The following ZRANB3 variants were observed in gnomAD, a reference collection of about 807,000 sequenced individuals.
ZRANB3 encodes the protein DNA annealing helicase and endonuclease ZRANB3.
Under a neutral mutation model 133.8 loss-of-function variants are expected in ZRANB3, and 125 were observed. That is an observed-to-expected ratio of 0.93 (90% CI 0.81 to 1.08). The LOEUF is 1.08. Ranked by LOEUF, ZRANB3 falls within the 50% of genes least tolerant of loss-of-function variation. ZRANB3 has a pLI of 0.00. For missense variants in ZRANB3, 1,229 were observed against 1,275.5 expected (o/e 0.96, Z 0.56); for synonymous variants, 387 against 432.7 (o/e 0.89, Z 1.31).
chr2:135,353,417 T>C (rs781450187), intron 4 of ZRANB3, 33 bp downstream of exon 4: 2 of 1,483,488 alleles, frequency 1.3e-6, no homozygotes, highest in South Asian at 1.5e-5. Flanking sequence ...CAAGGAAGAC[T>C]TTTCTCCTTA....
chr2:135,339,017 TG>T (rs1684503264), intron 6 of ZRANB3, among the ~76,000 whole-genome samples: 1 of 152,192 alleles, frequency 6.6e-6, no homozygotes, highest in Non-Finnish European at 1.5e-5. Flanking sequence ...GGCTCATGAC[TG>T]TAATTCCAGC....
At chr2:135,498,054 A>AAAATAAT (rs1187880864) in intron 2 of ZRANB3, among the ~76,000 whole-genome samples, 2 of 149,406 alleles carry the variant, frequency 1.3e-5, no homozygotes, top group Admixed American at 6.7e-5. Flanking sequence ...CTGTCTCTAA[A>AAAATAAT]AAATAATAAA....
At chr2:135,491,339 T>C (rs1692363652) in intron 2 of ZRANB3, among the ~76,000 whole-genome samples, 1 of 152,020 alleles carries the variant, frequency 6.6e-6, no homozygotes, top group Non-Finnish European at 1.5e-5. Context: ...ATGTTAAGTA[T>C]TTTTTTAAAT....
At chr2:135,286,686 C>A (rs1228437846) in intron 8 of ZRANB3, among the ~76,000 whole-genome samples, 3 of 152,076 alleles carry the variant, frequency 2.0e-5, no homozygotes, top group African/African-American at 7.2e-5. Context: ...AGCATTTTTT[C>A]ATTTTTTTTG....
Position 135,316,854 on chromosome 2 carries a change from T to C in ZRANB3, c.678-1324A>G, listed in dbSNP as rs920288839. Among the ~76,000 whole-genome samples, 12 of 151,354 alleles carry C rather than the reference T, an allele frequency of 7.9e-5. No homozygotes were observed. In the South Asian group the frequency reaches 8.3e-4, roughly 10 times the overall value. On this transcript the variant is annotated intron_variant, in intron 6 of 20. Coordinates refer to ENST00000264159, the MANE Select transcript of ZRANB3 (RefSeq NM_032143.4). ...GGTGGTGTGTGCCTGTAGTCCCAGC[T>C]ACTCAAGAGGCTGAGGCAGGAGAAT...
chr2:135,371,710 T>C (rs1463289610), intron 3 of ZRANB3, among the ~76,000 whole-genome samples: 1 of 152,230 alleles, frequency 6.6e-6, no homozygotes, highest in Non-Finnish European at 1.5e-5. Flanking sequence ...TACTCTATGC[T>C]AGACATTTTA....
chr2:135,494,554 A>G (rs2104810797), intron 2 of ZRANB3, among the ~76,000 whole-genome samples: 1 of 152,348 alleles, frequency 6.6e-6, no homozygotes, highest in South Asian at 2.1e-4. Flanking sequence ...CACGGTCATA[A>G]TATCTCATGT....
At chr2:135,460,001 A>G (rs1200867424) in intron 2 of ZRANB3, among the ~76,000 whole-genome samples, 1 of 152,126 alleles carries the variant, frequency 6.6e-6, no homozygotes, top group Non-Finnish European at 1.5e-5. Context: ...AAGATTTCCC[A>G]TTATACAAAG....
intron 2 of ZRANB3, among the ~76,000 whole-genome samples, chr2:135,440,321 C>G (rs928078558): frequency 3.3e-5 from 5 of 151,924 alleles, no homozygotes; most frequent in Non-Finnish European, 5.9e-5. Flanking sequence ...ATCACTTGAA[C>G]CCAGGAGGCA....
At chr2:135,374,682 G>C (rs1482669783) in intron 3 of ZRANB3, among the ~76,000 whole-genome samples, 1 of 151,520 alleles carries the variant, frequency 6.6e-6, no homozygotes, top group Non-Finnish European at 1.5e-5. Flanking sequence ...TTGTATTTTT[G>C]GTAGAGATGG....
rs1178860763 is a variant in ZRANB3 at position 135,351,487 on chromosome 2, C to T, written c.360-1272G>A. On this transcript the variant is annotated intron_variant, in intron 4 of 20. Transcript: ENST00000264159. ...CGATCTTCTGACCTTGTGATCCGCC[C>T]GCCCTGGCCTCCCAAAGTGCTGGGA... 1.1e-4 allele frequency among the ~76,000 whole-genome samples: 17 copies of T among 152,012 alleles called. No homozygotes were observed. In the South Asian group the frequency reaches 1.2e-3, roughly 11 times the overall value.
chr2:135,460,008 A>G (rs968951201), intron 2 of ZRANB3, among the ~76,000 whole-genome samples: 4 of 152,150 alleles, frequency 2.6e-5, no homozygotes, highest in Non-Finnish European at 4.4e-5. Flanking sequence ...CCCATTATAC[A>G]AAGTACCTTG....
chr2:135,524,179 C>T (rs990671245), intron 1 of ZRANB3, among the ~76,000 whole-genome samples: 6 of 151,972 alleles, frequency 3.9e-5, no homozygotes, highest in East Asian at 1.9e-4. Flanking sequence ...CTGGGCCTCC[C>T]GGGTTCAAGC....
At chr2:135,218,799 A>T (rs1411943379) in intron 16 of ZRANB3, among the ~76,000 whole-genome samples, 1 of 152,254 alleles carries the variant, frequency 6.6e-6, no homozygotes. Flanking sequence ...ACAGTTGCTA[A>T]TAGTGTGAAT....
intron 2 of ZRANB3, among the ~76,000 whole-genome samples, chr2:135,428,160 A>G (rs924884033): frequency 3.3e-5 from 5 of 152,182 alleles, no homozygotes; most frequent in African/African-American, 1.2e-4. Flanking sequence ...TTTCATGATA[A>G]AGCCAGGTGC....
At chr2:135,207,951 C>G in intron 18 of ZRANB3, 115 bp from the exon 19 acceptor site, 2 of 1,031,074 alleles carry the variant, frequency 1.9e-6, no homozygotes, top group Non-Finnish European at 2.7e-6. Context: ...ACACAGATCA[C>G]AGTGTAGAAA....
chr2:135,265,513 G>C, intron 12 of ZRANB3, 21 bp downstream of exon 12: 1 of 1,584,200 alleles, frequency 6.3e-7, no homozygotes. Context: ...AAATAGAAAA[G>C]AGTAAGGCAT....
At chr2:135,527,020 A>G (rs909376589) in intron 1 of ZRANB3, among the ~76,000 whole-genome samples, 1 of 152,168 alleles carries the variant, frequency 6.6e-6, no homozygotes, top group African/African-American at 2.4e-5. Flanking sequence ...AAACCAATGC[A>G]TTTCTTAAAT....
At chr2:135,284,212 C>A (rs1448298340) in intron 8 of ZRANB3, among the ~76,000 whole-genome samples, 2 of 152,162 alleles carry the variant, frequency 1.3e-5, no homozygotes, top group African/African-American at 4.8e-5. Context: ...ATAAAAGTAC[C>A]TACACCGCAT....
Sources: allele counts gnomAD v4.1 joint callset (sites outside exome capture counted in the v4.1 genomes callset), GRCh38; gene constraint gnomAD v4.1.1; transcripts MANE v1.5; gene names NCBI Gene and HGNC (gene_info 2026-07-23, HGNC 2026-07-21).